FZR1: variants seen among roughly 807,000 people sequenced by gnomAD.
FZR1 encodes the protein fizzy-related protein homolog.
A neutral mutation model predicts 63.6 loss-of-function variants in FZR1; 11 were observed. That is an observed-to-expected ratio of 0.17 (90% CI 0.11 to 0.29). The LOEUF (loss-of-function observed/expected upper bound fraction) is 0.29, where lower values mean the gene tolerates loss of function less well. Among genes scored for constraint, FZR1 ranks in the 10% least tolerant of loss-of-function variants. The probability of loss-of-function intolerance (pLI) is 1.00; values close to 1 mark genes in which losing one functional copy is unlikely to be tolerated. For missense variants in FZR1, 440 were observed against 687.5 expected (o/e 0.64, Z 4.03); for synonymous variants, 328 against 297.9 (o/e 1.10, Z -1.04).
rs562947964 is a variant in FZR1, at chr19:3,516,322, G to A, written c.-34-6634G>A. On this transcript the variant is annotated intron_variant, in intron 1 of 13. Transcript: ENST00000441788. This position sits in a 1 kb window ranked among gnomAD's most constrained non-coding sequence, Gnocchi z 6.0. The stretch of plus-strand genomic sequence containing the variant: ...GGGAGGACTGGTCCTTTCCCAGTGC[G>A]GTTTGTTGGTGTCCTTTGCTACTTT... Among the ~76,000 whole-genome samples the A allele has an allele frequency of 7.2e-5, 11 of 152,324 alleles. No homozygotes were observed. Among genetic ancestry groups the A allele is most frequent in the East Asian group, 1.9e-4 (1 of 5,188 alleles).
At position 3,534,943 on chromosome 19, in the gene FZR1, GGCTGGGCGGGCGGGGA is replaced by G; in HGVS notation, c.*115_*130del. On this transcript the variant is annotated 3_prime_UTR_variant, in exon 14 of 14. Transcript: ENST00000441788. ...CCAGCGCTTGTCCCCCGAGGAAGGC[GGCTGGGCGGGCGGGGA>G]GCTGGGCCTGGAGGATCCTGGAGTC... is the stretch of plus-strand genomic sequence containing the variant. 1 of 910,468 alleles carries G rather than the reference GGCTGGGCGGGCGGGGA, an allele frequency of 1.1e-6. No homozygotes were observed. Among genetic ancestry groups the G allele is most frequent in the Non-Finnish European group, 1.8e-6 (1 of 558,990 alleles). 56.4% of individuals were successfully genotyped at this position (910,468 alleles called of 1,614,324 possible). A position where few individuals can be genotyped will look rare whatever the true frequency, so the allele number is the denominator to read the frequency against.
At chr19:3,513,897 A>G (rs1209141887) in intron 1 of FZR1, among the ~76,000 whole-genome samples, 1 of 152,134 alleles carries the variant, frequency 6.6e-6, no homozygotes, top group African/African-American at 2.4e-5. Flanking sequence ...GCCTCAACAC[A>G]TGAGTCATAA....
intron 1 of FZR1, among the ~76,000 whole-genome samples, chr19:3,512,774 G>T (rs760622612): frequency 2.0e-5 from 3 of 152,118 alleles, no homozygotes; most frequent in Non-Finnish European, 2.9e-5. Flanking sequence ...TGACCCGAGA[G>T]AGCCATCTAG....
At chr19:3,527,591 A>G in intron 6 of FZR1, 40 bp from the exon 7 acceptor site, 2 of 1,551,098 alleles carry the variant, frequency 1.3e-6, no homozygotes, top group African/African-American at 1.4e-5. Context: ...AGGTGACCCA[A>G]GTGCCGTGGC....
At chr19:3,506,588 C>T (rs2082984751) in intron 1 of FZR1, 114 bp downstream of exon 1, 1 of 151,272 alleles carries the variant, frequency 6.6e-6, no homozygotes, top group Non-Finnish European at 1.5e-5. Flanking sequence ...CCAGCTCAGG[C>T]CCCTCCAGGA....
chr19:3,531,318 A>C (rs1390741607), intron 8 of FZR1, among the ~76,000 whole-genome samples: 1 of 151,792 alleles, frequency 6.6e-6, no homozygotes, highest in Non-Finnish European at 1.5e-5. Context: ...GTGTGCGCTC[A>C]CCCTCCCTCC....
chr19:3,518,962 A>C (rs893798384), intron 1 of FZR1, among the ~76,000 whole-genome samples: 4 of 151,808 alleles, frequency 2.6e-5, no homozygotes, highest in Non-Finnish European at 5.9e-5. Context: ...TAGGGAGCTC[A>C]CTCCAGTGGG....
chr19:3,530,890 G>A (rs1406140673), intron 8 of FZR1, 33 bp downstream of exon 8: 2 of 1,540,434 alleles, frequency 1.3e-6, no homozygotes, highest in South Asian at 1.1e-5. Flanking sequence ...CCACCTGGGA[G>A]ATCTGATGGG....
chr19:3,509,519 G>A (rs1382867874), intron 1 of FZR1, among the ~76,000 whole-genome samples: 3 of 152,208 alleles, frequency 2.0e-5, no homozygotes, highest in African/African-American at 2.4e-5. Context: ...CTGCTTTAGA[G>A]CGTGCAGTTC....
Position 3,525,833 on chromosome 19 carries a change from G to A in FZR1, c.70-35G>A. ...TGGGGGCACTCTCGGGGGGCTCTCG[G>A]TGCTGAGAGCAAGCCCTCTGCTGAT... On this transcript the variant is annotated intron_variant, in intron 2 of 13. Transcript: ENST00000441788. The surrounding 1 kb of genome is among the most constrained non-coding windows in gnomAD (Gnocchi z 4.2). 6.2e-7 allele frequency: 1 copy of A among 1,602,324 alleles called. No individual in the cohort carries two copies. Among genetic ancestry groups the A allele is most frequent in the Admixed American group, 1.7e-5 (1 of 59,860 alleles).
intron 7 of FZR1, among the ~76,000 whole-genome samples, 195 bp from the exon 8 acceptor site, chr19:3,530,597 G>T: frequency 6.6e-6 from 1 of 151,596 alleles, no homozygotes; most frequent in Admixed American, 6.6e-5. Flanking sequence ...GATGAGAGTG[G>T]TTGAGGGAGT....
At chr19:3,507,269 T>C (rs1014944028) in intron 1 of FZR1, among the ~76,000 whole-genome samples, 2 of 150,692 alleles carry the variant, frequency 1.3e-5, no homozygotes, top group African/African-American at 4.9e-5. Context: ...CCGTCCTGCG[T>C]CCTGCCCCGT....
rs2083239500 is a variant in FZR1, at chr19:3,530,812, C to T, written c.675C>T (p.Leu225=). The change falls in exon 8 of 14, where the codon CTC becomes CTT. Residue 225 remains leucine, a synonymous_variant. Transcript: ENST00000441788. ...TCCAGGTGACGCGGCTCTGTGACCT[C>T]TCAGTGGAAGGGGACTCAGTGACCT... ...CTSQVTRLCD[L]SVEGDSVTSV... 2 of 1,613,088 alleles carry T rather than the reference C, an allele frequency of 1.2e-6. No individual in the cohort carries two copies. Among genetic ancestry groups the T allele is most frequent in the East Asian group, 2.2e-5 (1 of 44,884 alleles).
chr19:3,529,481 G>A (rs1398648176), intron 7 of FZR1, among the ~76,000 whole-genome samples: 1 of 147,120 alleles, frequency 6.8e-6, no homozygotes, highest in Non-Finnish European at 1.5e-5. Flanking sequence ...TGGGAGAGCA[G>A]ATGGGAGAGC....
intron 1 of FZR1, among the ~76,000 whole-genome samples, chr19:3,509,975 C>T: frequency 6.6e-6 from 1 of 152,066 alleles, no homozygotes; most frequent in East Asian, 1.9e-4. Flanking sequence ...CTGGTGCCTC[C>T]ACTCGCCGGC....
chr19:3,534,594 G>T, intron 13 of FZR1, 81 bp downstream of exon 13: 1 of 1,014,792 alleles, frequency 9.9e-7, no homozygotes, highest in Non-Finnish European at 1.5e-6. Context: ...GTCCTCGGGC[G>T]TACCCTCCTC....
intron 7 of FZR1, among the ~76,000 whole-genome samples, chr19:3,529,713 C>CAGATGGGTGAGT (rs2083213124): frequency 7.9e-6 from 1 of 126,576 alleles, no homozygotes; most frequent in African/African-American, 3.0e-5. Context: ...GATGGGAGAG[C>CAGATGGGTGAGT]GGATGGGAGA....
Position 3,537,217 on chromosome 19 carries a change from G to A in FZR1, c.*2381G>A, listed in dbSNP as rs900169140. 21 of 152,548 alleles carry A rather than the reference G, an allele frequency of 1.4e-4. No homozygotes were observed. The highest frequency in any genetic ancestry group is 1.3e-3 in the Admixed American group (20 of 15,314). 9.4% of individuals were successfully genotyped at this position (152,548 alleles called of 1,614,324 possible). A position where few individuals can be genotyped will look rare whatever the true frequency, so the allele number is the denominator to read the frequency against. ...TCCCCATGGCCCAGGACAGCTGAGA[G>A]GAGGTGGAGGGGCCCCAGGGGAGTG... On this transcript the variant is annotated 3_prime_UTR_variant, in exon 14 of 14. Coordinates refer to ENST00000441788, the MANE Select transcript of FZR1 (RefSeq NM_016263.4).
At chr19:3,528,326 C>T (rs1273730660) in intron 7 of FZR1, among the ~76,000 whole-genome samples, 2 of 152,236 alleles carry the variant, frequency 1.3e-5, no homozygotes, top group South Asian at 2.1e-4. Context: ...TCAGGGATAA[C>T]GCCATGCGAG....
Sources: gnomAD v4.1 joint callset for allele counts (sites outside exome capture counted in the v4.1 genomes callset) on GRCh38, gnomAD v4.1.1 for gene constraint, Gnocchi (gnomAD v3.1) non-coding constraint, MANE v1.5 for transcripts, NCBI Gene and HGNC (gene_info 2026-07-23, HGNC 2026-07-21) for gene names.